The following FRMPD4 variants were observed in gnomAD, a reference collection of about 807,000 sequenced individuals.
The protein encoded by FRMPD4 is FERM and PDZ domain containing 4, also known as FERM and PDZ domain-containing protein 4.
In FRMPD4, 22 loss-of-function variants were observed where a neutral mutation model predicts 94.1. The ratio of observed to expected loss-of-function variants is 0.23; its 90% CI spans 0.17 to 0.33. The LOEUF (loss-of-function observed/expected upper bound fraction) is 0.33. Ranked by LOEUF, FRMPD4 falls within the 10% of genes least tolerant of loss-of-function variation. The pLI, the probability that FRMPD4 is intolerant of heterozygous loss-of-function variation, is 1.00. For synonymous variants in FRMPD4, 631 were observed against 548.6 expected (o/e 1.15, Z -2.10); for missense variants, 1,111 against 1,339.9 (o/e 0.83, Z 2.67).
rs368212112 is a variant in FRMPD4, at chrX:12,544,749, C to G, written c.158+45953C>G. On this transcript the variant is annotated intron_variant, in intron 2 of 16. Transcript: ENST00000675598. The stretch of plus-strand genomic sequence containing the variant: ...AGCCAAGAGCTCATCAGGTCCTTCT[C>G]AGGAACCTAAATGGGTTACTCTAAA... Among the ~76,000 whole-genome samples the G allele has an allele frequency of 7.0e-3, 782 of 111,324 alleles. 5 individuals carry two copies. The highest frequency in any genetic ancestry group is 0.024 in the African/African-American group (749 of 30,637).
chrX:12,320,678 C>G (rs189323521), intron 1 of FRMPD4, among the ~76,000 whole-genome samples: 9 of 111,372 alleles, frequency 8.1e-5, no homozygotes, highest in African/African-American at 2.6e-4. Context: ...TCTAAAGGGG[C>G]AGGTGATAAT....
intron 1 of FRMPD4, among the ~76,000 whole-genome samples, chrX:12,429,341 T>C (rs1008154175): frequency 1.5e-4 from 17 of 111,649 alleles, no homozygotes; most frequent in Non-Finnish European, 3.0e-4. Context: ...AGGCCCACCT[T>C]AATAAAGCTC....
chrX:11,978,321 CAA>C (rs1172824155), intron 3 of FRMPD4, among the ~76,000 whole-genome samples: 28 of 16,345 alleles, frequency 1.7e-3, no homozygotes, highest in African/African-American at 5.6e-3. Flanking sequence ...AACTCCATCT[CAA>C]AAAAAAAAAA....
chrX:12,455,693 A>G (rs773701575), intron 1 of FRMPD4, among the ~76,000 whole-genome samples: 1 of 111,898 alleles, frequency 8.9e-6, no homozygotes, highest in African/African-American at 3.2e-5. Flanking sequence ...GAGGTATATG[A>G]GCTTCCATCA....
At chrX:11,948,147 A>G (rs187171224) in intron 3 of FRMPD4, among the ~76,000 whole-genome samples, 26 of 109,738 alleles carry the variant, frequency 2.4e-4, no homozygotes, top group African/African-American at 8.6e-4. Flanking sequence ...AAGAGAAGGC[A>G]ATTGCCTAAC....
intron 1 of FRMPD4, among the ~76,000 whole-genome samples, chrX:12,412,446 GA>G (rs2056746337): frequency 1.8e-5 from 2 of 112,491 alleles, no homozygotes; most frequent in South Asian, 7.3e-4. Flanking sequence ...AGCTTGAGAA[GA>G]GGACATTTTT....
At chrX:12,560,176 T>G (rs1411048907) in intron 2 of FRMPD4, among the ~76,000 whole-genome samples, 1 of 111,702 alleles carries the variant, frequency 9.0e-6, no homozygotes, top group African/African-American at 3.3e-5. Context: ...ATAATTAATA[T>G]TTTTCCTTTG....
rs1200940932 is a variant in FRMPD4, at chrX:12,723,968, C to G, written c.*2110C>G. ...AAAAATGTGTATGTAAAGTTCTTAC[C>G]ACAATACCTGGCAGAGAGTAAGTAT... On this transcript the variant is annotated 3_prime_UTR_variant, in exon 17 of 17. Coordinates refer to ENST00000675598, the MANE Select transcript of FRMPD4 (RefSeq NM_001368397.1). 1 of 111,754 alleles carries G rather than the reference C, an allele frequency of 8.9e-6. No individual in the cohort carries two copies. The highest frequency in any genetic ancestry group is 9.5e-5 in the Admixed American group (1 of 10,510). 9.2% of individuals were successfully genotyped at this position (111,754 alleles called of 1,213,427 possible). A position where few individuals can be genotyped will look rare whatever the true frequency, so the allele number is the denominator to read the frequency against.
intron 5 of FRMPD4, among the ~76,000 whole-genome samples, chrX:12,682,204 C>T (rs1472924666): frequency 8.9e-6 from 1 of 112,414 alleles, no homozygotes; most frequent in Non-Finnish European, 1.9e-5. Flanking sequence ...TCTATTTCAT[C>T]ATATTGCTTT....
chrX:12,630,964 C>G (rs1415089145), intron 4 of FRMPD4, among the ~76,000 whole-genome samples: 2 of 111,687 alleles, frequency 1.8e-5, no homozygotes, highest in Non-Finnish European at 3.8e-5. Flanking sequence ...GGAGAAACAG[C>G]CCAGACCTTC....
intron 3 of FRMPD4, among the ~76,000 whole-genome samples, chrX:12,005,277 C>T (rs1401955425): frequency 9.2e-6 from 1 of 108,193 alleles, no homozygotes; most frequent in Non-Finnish European, 1.9e-5. Context: ...TGGGATGGGA[C>T]CGAAGAATCT....
intron 3 of FRMPD4, among the ~76,000 whole-genome samples, chrX:11,977,788 G>A (rs184162135): frequency 2.5e-4 from 28 of 111,871 alleles, no homozygotes; most frequent in Non-Finnish European, 4.3e-4. Context: ...AATTGGTTGA[G>A]TTTAACCTAA....
chrX:12,609,648 G>T, intron 2 of FRMPD4, 73 bp from the exon 3 acceptor site: 2 of 883,349 alleles, frequency 2.3e-6, no homozygotes, highest in Non-Finnish European at 3.3e-6. Context: ...AAATTAAAGA[G>T]AATATGATTG....
At chrX:12,006,978 C>T (rs765519245) in intron 3 of FRMPD4, among the ~76,000 whole-genome samples, 51 of 111,812 alleles carry the variant, frequency 4.6e-4, no homozygotes, top group African/African-American at 1.6e-3. Flanking sequence ...TGAAGATGGC[C>T]CAAACTCTTT....
intron 1 of FRMPD4, among the ~76,000 whole-genome samples, chrX:12,150,709 A>G (rs375826515): frequency 7.3e-4 from 82 of 112,008 alleles, no homozygotes; most frequent in African/African-American, 2.6e-3. Context: ...ATTGTAAAAT[A>G]TTACTGTTCA....
intron 4 of FRMPD4, among the ~76,000 whole-genome samples, chrX:12,671,502 G>A (rs928840046): frequency 2.7e-5 from 3 of 110,584 alleles, no homozygotes; most frequent in East Asian, 5.6e-4. Flanking sequence ...ACCAAATACC[G>A]CATGTTATCA....
chrX:12,686,279 AG>A, intron 7 of FRMPD4, 75 bp downstream of exon 7: 1 of 502,669 alleles, frequency 2.0e-6, no homozygotes, highest in East Asian at 3.5e-5. Context: ...CCATTGTAGC[AG>A]CATCTTCTTT....
intron 1 of FRMPD4, among the ~76,000 whole-genome samples, chrX:12,250,046 C>G (rs201189118): frequency 9.9e-4 from 68 of 68,906 alleles, no homozygotes; most frequent in Middle Eastern, 6.4e-3. Flanking sequence ...CTCTCTCTCT[C>G]TCTGTGTGTG....
At chrX:12,719,777 G>C (rs1412239802) in intron 16 of FRMPD4, among the ~76,000 whole-genome samples, 4 of 110,599 alleles carry the variant, frequency 3.6e-5, no homozygotes, top group East Asian at 2.8e-4. Context: ...ACTTTCACCT[G>C]AGTTACCTCT....
Sources: gnomAD v4.1 joint callset for allele counts (sites outside exome capture counted in the v4.1 genomes callset) on GRCh38, gnomAD v4.1.1 for gene constraint, MANE v1.5 for transcripts, NCBI Gene and HGNC (gene_info 2026-07-23, HGNC 2026-07-21) for gene names.